Variants in C1orf159 observed in about 807,000 individuals in gnomAD.
The protein encoded by C1orf159 is chromosome 1 open reading frame 159.
C1orf159 carries 19 observed loss-of-function variants against 25.6 expected under a neutral mutation model. The ratio of observed to expected loss-of-function variants is 0.74; its 90% CI spans 0.52 to 1.09. C1orf159 has a LOEUF of 1.09. Among genes scored for constraint, C1orf159 ranks in the 50% least tolerant of loss-of-function variants. C1orf159 has a pLI of 0.00. For synonymous variants in C1orf159, 139 were observed against 124.7 expected (o/e 1.12, Z -0.77); for missense variants, 274 against 290.6 (o/e 0.94, Z 0.42).
intron 1 of C1orf159, among the ~76,000 whole-genome samples, chr1:1,104,757 G>A (rs1410845392): frequency 6.6e-6 from 1 of 151,978 alleles, no homozygotes; most frequent in East Asian, 1.9e-4. Flanking sequence ...ATTCAAGCTG[G>A]TCGAGCCGGG....
intron 1 of C1orf159, among the ~76,000 whole-genome samples, chr1:1,097,781 A>G (rs1426336462): frequency 2.0e-5 from 3 of 151,826 alleles, no homozygotes; most frequent in African/African-American, 7.3e-5. Context: ...AATCTTTCCA[A>G]TCTTTTAGGG....
intron 1 of C1orf159, among the ~76,000 whole-genome samples, chr1:1,093,175 G>T (rs1191309812): frequency 2.0e-5 from 3 of 152,106 alleles, no homozygotes; most frequent in Non-Finnish European, 4.4e-5. Flanking sequence ...TTGTCCTTTT[G>T]TCCCTTTAAC....
Position 1,082,663 on chromosome 1 carries a change from TG to T in C1orf159, c.*229del. The T allele has an allele frequency of 1.8e-6, 1 of 564,388 alleles. No individual in the cohort carries two copies. The highest frequency in any genetic ancestry group is 3.2e-6 in the Non-Finnish European group (1 of 314,074). The allele number at this position is 564,388 out of a possible 1,614,324, so 35.0% of individuals were successfully genotyped here. The stretch of plus-strand genomic sequence containing the variant: ...CTCGATCTGAAGCTCTGAGGTCTCA[TG>T]GATGCCTGCTCCTGGTCCGATAAAC... On this transcript the variant is annotated 3_prime_UTR_variant, in exon 10 of 10. Transcript: ENST00000421241.
intron 1 of C1orf159, among the ~76,000 whole-genome samples, chr1:1,093,948 G>A (rs1367038876): frequency 2.0e-5 from 3 of 152,204 alleles, no homozygotes; most frequent in African/African-American, 7.2e-5. Flanking sequence ...GAGTATCTCT[G>A]TGTCGTTACA....
In C1orf159 at chr1:1,087,859, G is replaced by A. The variant is rs533489552; in HGVS notation, c.149-262C>T. Among the ~76,000 whole-genome samples, 69 of 150,772 alleles carry A rather than the reference G, an allele frequency of 4.6e-4. No individual in the cohort carries two copies. Among genetic ancestry groups the A allele is most frequent in the African/African-American group, 1.6e-3 (65 of 40,974 alleles). ...TACTCCACGCTGCACTCTCCACGCC[G>A]AGCACCCCGGCCCCGAGTACTCCAC... On this transcript the variant is annotated intron_variant, in intron 4 of 9. Transcript: ENST00000421241. This position sits in a 1 kb window ranked among gnomAD's most constrained non-coding sequence, Gnocchi z 8.3.
At chr1:1,091,198 CAG>C in intron 3 of C1orf159, 1 of 614,954 alleles carries the variant, frequency 1.6e-6, no homozygotes. Context: ...TCACCGCTGG[CAG>C]AGGTGCTCCC....
chr1:1,102,437 A>G lies in C1orf159; in HGVS notation c.-135-10334T>C, dbSNP rs1007594963. Among the ~76,000 whole-genome samples the G allele has an allele frequency of 8.4e-5, 12 of 143,642 alleles. No homozygotes were observed. In the East Asian group the frequency reaches 1.6e-3, roughly 19 times the overall value. The allele number at this position is 143,642 out of a possible 152,430, so 94.2% of individuals were successfully genotyped here. ...TCCTCTGTCTTTGAGGACTCTGCCT[A>G]TTTTCTCTGTTATTTCCCTTCTGTT... On this transcript the variant is annotated intron_variant, in intron 1 of 9. Transcript: ENST00000421241.
intron 1 of C1orf159, chr1:1,092,347 C>A: frequency 5.3e-6 from 1 of 189,240 alleles, no homozygotes; most frequent in South Asian, 7.7e-5. Context: ...GGGCCCTCGG[C>A]CCGGCCTTTG....
intron 1 of C1orf159, among the ~76,000 whole-genome samples, chr1:1,109,661 G>T (rs1646231064): frequency 6.6e-6 from 1 of 151,860 alleles, no homozygotes; most frequent in South Asian, 2.1e-4. Context: ...TAAAAAGGGT[G>T]TCTTGCTGTG....
intron 3 of C1orf159, 102 bp from the exon 4 acceptor site, chr1:1,090,530 T>C (rs1467713060): frequency 3.3e-6 from 4 of 1,202,422 alleles, no homozygotes; most frequent in African/African-American, 1.5e-5. Flanking sequence ...CATCTCAATG[T>C]CCGCAGCTCC....
chr1:1,088,983 C>CGAGGCTCTGTCTGA (rs1553188323), intron 4 of C1orf159, among the ~76,000 whole-genome samples: 1 of 152,232 alleles, frequency 6.6e-6, no homozygotes, highest in Non-Finnish European at 1.5e-5. Flanking sequence ...GCGACTTCAG[C>CGAGGCTCTGTCTGA]GAGGCTCTGT....
intron 1 of C1orf159, among the ~76,000 whole-genome samples, chr1:1,113,947 C>T (rs372569383): frequency 6.5e-5 from 9 of 138,032 alleles, no homozygotes; most frequent in Middle Eastern, 4.9e-3. Context: ...GATGGAGTCT[C>T]GCTCTGTCAC....
chr1:1,092,170 G>C (rs1178960664), intron 1 of C1orf159, 67 bp from the exon 2 acceptor site: 7 of 352,020 alleles, frequency 2.0e-5, no homozygotes, highest in Non-Finnish European at 3.4e-5. Flanking sequence ...CGTGGCCTAC[G>C]GTGCGGGGTC....
chr1:1,086,346 A>AG (rs1363447727), intron 6 of C1orf159, among the ~76,000 whole-genome samples: 1 of 152,196 alleles, frequency 6.6e-6, no homozygotes, highest in Non-Finnish European at 1.5e-5. Context: ...CCTGAAAGCC[A>AG]GGGGGTTCTC....
rs1645934706 is a variant in C1orf159 at position 1,091,500 on chromosome 1, C to G, written c.44G>C (p.Gly15Ala). ...GTTCTCCATGGACTTGCTGGCGACT[C>G]CCACGAGAAGGCCAGCCAGGAGGGC... ...HLALLAGLLV[G>A]VASKSMENTA... The change falls in exon 3 of 10, where the codon GGA becomes GCA. Residue 15 changes from glycine (G) to alanine (A), a missense_variant. Gly to Ala is a moderately conservative substitution (Grantham distance 60). Coordinates refer to ENST00000421241, the MANE Select transcript of C1orf159 (RefSeq NM_017891.5). 6 of 1,550,186 alleles carry G rather than the reference C, an allele frequency of 3.9e-6. No individual in the cohort carries two copies. Among genetic ancestry groups the G allele is most frequent in the Middle Eastern group, 1.7e-4 (1 of 5,926 alleles).
chr1:1,115,494 GACCCCCTCCCTGCCCCGAGA>G (rs1646323235), intron 1 of C1orf159, among the ~76,000 whole-genome samples: 2 of 117,242 alleles, frequency 1.7e-5, no homozygotes, highest in Admixed American at 8.2e-5. Context: ...CCTCCCCAGG[GACCCCCTCCCTGCCCCGAGA>G]ACCCCCTCCC....
intron 1 of C1orf159, among the ~76,000 whole-genome samples, chr1:1,102,323 A>G (rs1646112668): frequency 6.6e-6 from 1 of 151,048 alleles, no homozygotes; most frequent in Non-Finnish European, 1.5e-5. Context: ...TATCACCTAC[A>G]GGTCCCAGAG....
chr1:1,084,428 G>C (rs772929597), intron 8 of C1orf159, 45 bp from the exon 9 acceptor site: 1 of 1,583,084 alleles, frequency 6.3e-7, no homozygotes, highest in Non-Finnish European at 8.6e-7. Context: ...GGATGGCCTG[G>C]CACAGGCACA....
At position 1,082,590 on chromosome 1, in the gene C1orf159, C is replaced by T. The variant is rs1006034037; in HGVS notation, c.*303G>A. On this transcript the variant is annotated 3_prime_UTR_variant, in exon 10 of 10. Coordinates refer to ENST00000421241, the MANE Select transcript of C1orf159 (RefSeq NM_017891.5). ...AGATCGTGCCAGCTTTGGCTGCAGGCGCTGGGGCCTCACCGTGTTTCCTGG... is the reference window on the plus strand; with the variant it reads ...AGATCGTGCCAGCTTTGGCTGCAGGTGCTGGGGCCTCACCGTGTTTCCTGG... 14 of 429,500 alleles carry T rather than the reference C, an allele frequency of 3.3e-5. No homozygotes were observed. In the East Asian group the frequency reaches 3.5e-4, roughly 11 times the overall value. The allele number at this position is 429,500 out of a possible 1,614,324, so 26.6% of individuals were successfully genotyped here.
Sources: gnomAD v4.1 joint callset for allele counts (sites outside exome capture counted in the v4.1 genomes callset) on GRCh38, gnomAD v4.1.1 for gene constraint, Gnocchi (gnomAD v3.1) non-coding constraint, MANE v1.5 for transcripts, NCBI Gene and HGNC (gene_info 2026-07-23, HGNC 2026-07-21) for gene names.